ETNK1: variants seen among roughly 807,000 people sequenced by gnomAD.
ETNK1 encodes the protein ethanolamine kinase 1.
ETNK1 carries 8 observed loss-of-function variants against 45.1 expected under a neutral mutation model. The observed-to-expected ratio is 0.18, with a 90% CI of 0.10 to 0.32. The LOEUF is 0.32. Ranked by LOEUF, ETNK1 falls within the 10% of genes least tolerant of loss-of-function variation. ETNK1 has a pLI of 1.00. For synonymous variants in ETNK1, 152 were observed against 151.9 expected (o/e 1.00, Z -0.01); for missense variants, 302 against 430.6 (o/e 0.70, Z 2.64).
At position 22,625,464 on chromosome 12, in the gene ETNK1, C is replaced by G. The variant is rs1953477586; in HGVS notation, c.34C>G (p.Pro12Ala). Residue 12 changes from proline (P) to alanine (A), a missense_variant, in exon 1 of 8, where the codon CCG (proline) becomes GCG (alanine). Physicochemically the swap from Pro to Ala is conservative, Grantham distance 27. Transcript: ENST00000266517. ...ANYIHVPPGS[P>A]EVPKLNVTVQ... ...TTACATCCACGTCCCTCCCGGCTCC[C>G]CGGAGGTGCCCAAGCTGAACGTCAC... 3 of 1,600,004 alleles carry G rather than the reference C, an allele frequency of 1.9e-6. No homozygotes were observed. Among genetic ancestry groups the G allele is most frequent in the Non-Finnish European group, 2.6e-6 (3 of 1,173,876 alleles).
chr12:22,627,073 GC>G (rs1021856173), intron 1 of ETNK1, among the ~76,000 whole-genome samples: 11 of 152,100 alleles, frequency 7.2e-5, no homozygotes, highest in African/African-American at 2.7e-4. Context: ...AAAGTTTAAA[GC>G]TTTGAAGACT....
At chr12:22,674,946 T>TA (rs945479596) in intron 6 of ETNK1, among the ~76,000 whole-genome samples, 2 of 151,976 alleles carry the variant, frequency 1.3e-5, no homozygotes. Flanking sequence ...ATTGGAAGAA[T>TA]AAAAAAAATG....
intron 2 of ETNK1, among the ~76,000 whole-genome samples, chr12:22,645,283 T>C (rs749492908): frequency 4.0e-5 from 6 of 151,790 alleles, no homozygotes; most frequent in African/African-American, 7.2e-5. Context: ...AAAACATATT[T>C]CATGAAGTTC....
In ETNK1 at chr12:22,689,723, C is replaced by T. The variant is rs977942336; in HGVS notation, c.*4769C>T. ...AATTAGCTCCTGTGACTGGAAAAGA[C>T]CCCAAAAAGGCAGTAGAGGAGATTA... On this transcript the variant is annotated 3_prime_UTR_variant, in exon 8 of 8. Transcript: ENST00000266517. 3 of 151,936 alleles carry T rather than the reference C, an allele frequency of 2.0e-5. No homozygotes were observed. The highest frequency in any genetic ancestry group is 4.4e-5 in the Non-Finnish European group (3 of 67,850). 9.4% of individuals were successfully genotyped at this position (151,936 alleles called of 1,614,324 possible). A position where few individuals can be genotyped will look rare whatever the true frequency, so the allele number is the denominator to read the frequency against.
intron 2 of ETNK1, among the ~76,000 whole-genome samples, chr12:22,650,411 G>GT (rs949987167): frequency 1.4e-4 from 21 of 151,372 alleles, no homozygotes; most frequent in Non-Finnish European, 2.5e-4. Context: ...GTTAGCTGTA[G>GT]TTTTTTTTGT....
At chr12:22,643,666 TTTAA>T (rs1279699358) in intron 1 of ETNK1, 93 bp from the exon 2 acceptor site, 1 of 928,040 alleles carries the variant, frequency 1.1e-6, no homozygotes, top group Non-Finnish European at 1.6e-6. Flanking sequence ...TGGTGTTTTC[TTTAA>T]TTAGTATTTA....
intron 2 of ETNK1, among the ~76,000 whole-genome samples, chr12:22,654,950 T>C (rs1273920932): frequency 6.6e-6 from 1 of 152,220 alleles, no homozygotes; most frequent in Non-Finnish European, 1.5e-5. Flanking sequence ...GTGCATTCAA[T>C]CTTTCTATTG....
intron 2 of ETNK1, among the ~76,000 whole-genome samples, chr12:22,647,068 C>T (rs1200032959): frequency 1.3e-5 from 2 of 151,740 alleles, no homozygotes; most frequent in African/African-American, 2.4e-5. Context: ...TAGTGCCTGA[C>T]GGGTAATTCC....
At chr12:22,627,138 G>A (rs1350328592) in intron 1 of ETNK1, among the ~76,000 whole-genome samples, 1 of 145,930 alleles carries the variant, frequency 6.9e-6, no homozygotes, top group Non-Finnish European at 1.5e-5. Context: ...CTACTGTGGG[G>A]TTAGTTAAAT....
At position 22,634,528 on chromosome 12, in the gene ETNK1, T is replaced by C. The variant is rs549859376; in HGVS notation, c.156+8942T>C. Among the ~76,000 whole-genome samples, 6 of 152,302 alleles carry C rather than the reference T, an allele frequency of 3.9e-5. 1 individual carries two copies. The highest frequency in any genetic ancestry group is 1.4e-4 in the African/African-American group (6 of 41,568). On this transcript the variant is annotated intron_variant, in intron 1 of 7. Coordinates refer to ENST00000266517, the MANE Select transcript of ETNK1 (RefSeq NM_018638.5). ...GTAGTGAAGTTCATTTCTTTATCAT[T>C]TGTGTTGCTTTATTGTCTTCATACA...
At chr12:22,684,579 A>G in intron 7 of ETNK1, 23 bp downstream of exon 7, 1 of 1,415,534 alleles carries the variant, frequency 7.1e-7, no homozygotes, top group Non-Finnish European at 9.9e-7. Context: ...TTATTATATG[A>G]TTACATTGGT....
At chr12:22,630,386 T>C (rs1252866759) in intron 1 of ETNK1, among the ~76,000 whole-genome samples, 2 of 152,156 alleles carry the variant, frequency 1.3e-5, no homozygotes, top group Non-Finnish European at 2.9e-5. Flanking sequence ...TACAACTAAC[T>C]GTAGCACAAG....
intron 4 of ETNK1, among the ~76,000 whole-genome samples, chr12:22,667,744 T>A (rs1287111755): frequency 6.6e-6 from 1 of 152,206 alleles, no homozygotes; most frequent in Admixed American, 6.5e-5. Context: ...TTGCTTTTCA[T>A]TTTTATTCCT....
At chr12:22,669,339 G>GA (rs5796966) in intron 4 of ETNK1, among the ~76,000 whole-genome samples, 54,122 of 151,510 alleles carry the variant, frequency 0.36, 10,028 homozygotes, top group Non-Finnish European at 0.41. Context: ...AAAAATAAAA[G>GA]AAAAAAGTCA....
chr12:22,641,486 TCA>T (rs1220872352), intron 1 of ETNK1, among the ~76,000 whole-genome samples: 3 of 152,166 alleles, frequency 2.0e-5, no homozygotes, highest in African/African-American at 7.2e-5. Flanking sequence ...CCCATTATGA[TCA>T]CAGAGTAACC....
At chr12:22,648,942 G>C (rs1181443563) in intron 2 of ETNK1, among the ~76,000 whole-genome samples, 1 of 151,904 alleles carries the variant, frequency 6.6e-6, no homozygotes, top group Admixed American at 6.6e-5. Flanking sequence ...GTATCTTACT[G>C]TTTTTGTTTG....
In ETNK1 at chr12:22,627,716, T is replaced by C. The variant is rs527534283; in HGVS notation, c.156+2130T>C. On this transcript the variant is annotated intron_variant, in intron 1 of 7. Coordinates refer to ENST00000266517, the MANE Select transcript of ETNK1 (RefSeq NM_018638.5). Reference sequence around the variant, plus strand: ...ATATAGTCGACAGAGTATAATGTAATTTTAGAGCAGTCGAGTATCAGTAAT... The same window carrying C: ...ATATAGTCGACAGAGTATAATGTAACTTTAGAGCAGTCGAGTATCAGTAAT... Among the ~76,000 whole-genome samples the C allele has an allele frequency of 7.2e-5, 11 of 152,242 alleles. No homozygotes were observed. In the South Asian group the frequency reaches 2.1e-3, roughly 29 times the overall value.
At chr12:22,629,629 T>A (rs926767710) in intron 1 of ETNK1, among the ~76,000 whole-genome samples, 21 of 152,328 alleles carry the variant, frequency 1.4e-4, no homozygotes, top group African/African-American at 4.8e-4. Context: ...TGTTCTGATA[T>A]AATAATTGAT....
chr12:22,671,843 A>G (rs1565447398), intron 5 of ETNK1, among the ~76,000 whole-genome samples: 2 of 141,540 alleles, frequency 1.4e-5, no homozygotes, highest in African/African-American at 2.5e-5. Context: ...CATCTCATTA[A>G]AAAAAAAAAA....
Sources: allele counts gnomAD v4.1 joint callset (sites outside exome capture counted in the v4.1 genomes callset), GRCh38; gene constraint gnomAD v4.1.1; transcripts MANE v1.5; gene names NCBI Gene and HGNC (gene_info 2026-07-23, HGNC 2026-07-21).